The following CADPS2 variants were observed in gnomAD, a reference collection of about 807,000 sequenced individuals.
The protein encoded by CADPS2 is calcium dependent secretion activator 2.
In CADPS2, 93 loss-of-function variants were observed where a neutral mutation model predicts 172.5. The ratio of observed to expected loss-of-function variants is 0.54; its 90% CI spans 0.46 to 0.64. The LOEUF is 0.64. Among genes scored for constraint, CADPS2 ranks in the 30% least tolerant of loss-of-function variants. The probability of loss-of-function intolerance (pLI) is 0.00; values close to 1 mark genes in which losing one functional copy is unlikely to be tolerated. For missense variants in CADPS2, 1,420 were observed against 1,565.9 expected, an observed-to-expected ratio of 0.91 and a Z score of 1.57; for synonymous variants, 546 against 555.2, an observed-to-expected ratio of 0.98 and a Z score of 0.23.
At chr7:122,641,671 A>G (rs2134525247) in intron 3 of CADPS2, among the ~76,000 whole-genome samples, 1 of 152,278 alleles carries the variant, frequency 6.6e-6, no homozygotes, top group East Asian at 1.9e-4. Flanking sequence ...TCAGACTTAC[A>G]CTTACAGAGA....
chr7:122,366,666 T>G, intron 25 of CADPS2: 1 of 115,706 alleles, frequency 8.6e-6, no homozygotes, highest in African/African-American at 3.9e-5. Flanking sequence ...CATACACACA[T>G]ACATATATAT....
chr7:122,561,647 T>C (rs2065796204), intron 7 of CADPS2, among the ~76,000 whole-genome samples: 1 of 152,154 alleles, frequency 6.6e-6, no homozygotes, highest in Admixed American at 6.5e-5. Context: ...GTAATTCATT[T>C]GTACCACATA....
chr7:122,730,538 AAAT>A (rs1264070851), intron 2 of CADPS2, among the ~76,000 whole-genome samples: 6 of 151,802 alleles, frequency 4.0e-5, no homozygotes, highest in Admixed American at 1.3e-4. Flanking sequence ...GCAAGATATT[AAAT>A]AATATTTAGA....
At chr7:122,852,264 T>C (rs1343547432) in intron 1 of CADPS2, among the ~76,000 whole-genome samples, 1 of 152,192 alleles carries the variant, frequency 6.6e-6, no homozygotes, top group Non-Finnish European at 1.5e-5. Flanking sequence ...TAGGAACTCA[T>C]TCAATGGTAC....
At chr7:122,601,579 C>A (rs913936795) in intron 6 of CADPS2, among the ~76,000 whole-genome samples, 2 of 151,900 alleles carry the variant, frequency 1.3e-5, no homozygotes, top group South Asian at 4.2e-4. Context: ...AAAATAGGAT[C>A]ATCTTCTCTT....
intron 17 of CADPS2, among the ~76,000 whole-genome samples, chr7:122,435,766 T>C (rs1192794664): frequency 1.3e-5 from 2 of 152,078 alleles, no homozygotes; most frequent in Admixed American, 6.6e-5. Context: ...TAAATGTTCA[T>C]TGAGAGATGA....
intron 1 of CADPS2, among the ~76,000 whole-genome samples, chr7:122,790,325 G>T (rs1228066625): frequency 2.0e-5 from 3 of 148,332 alleles, no homozygotes; most frequent in Non-Finnish European, 4.4e-5. Context: ...CTTGGGCCCA[G>T]ACATTCACAG....
chr7:122,552,292 A>C (rs1162152445), intron 8 of CADPS2, among the ~76,000 whole-genome samples: 1 of 152,186 alleles, frequency 6.6e-6, no homozygotes. Context: ...TATACATCAG[A>C]AACTGAAGAG....
In CADPS2 at chr7:122,663,466, C is replaced by T. The variant is rs774940266; in HGVS notation, c.557G>A (p.Arg186Gln). The change falls in exon 3 of 30, where the codon CGG becomes CAG. Residue 186 changes from arginine (R) to glutamine (Q), a missense_variant. Physicochemically the swap from Arg to Gln is conservative, Grantham distance 43 (BLOSUM62 1). Coordinates refer to ENST00000449022, the MANE Select transcript of CADPS2 (RefSeq NM_017954.11). ...VFKKNIEKRV[R>Q]SLPEIDGLSK... ...CAAGCCATCTATTTCTGGCAAACTC[C>T]GCACACGTTTTTCTATGTTTTTCTT... The T allele has an allele frequency of 1.7e-5, 27 of 1,613,780 alleles. No individual in the cohort carries two copies. The highest frequency in any genetic ancestry group is 2.2e-5 in the East Asian group (1 of 44,886).
intron 24 of CADPS2, among the ~76,000 whole-genome samples, chr7:122,379,926 C>G (rs1422187728): frequency 6.6e-6 from 1 of 152,064 alleles, no homozygotes; most frequent in East Asian, 1.9e-4. Flanking sequence ...GACTTTTTGT[C>G]AGCACAGGGA....
At chr7:122,609,646 T>C (rs1044689237) in intron 6 of CADPS2, among the ~76,000 whole-genome samples, 44 of 152,224 alleles carry the variant, frequency 2.9e-4, no homozygotes, top group African/African-American at 1.1e-3. Flanking sequence ...AGACCCCAGG[T>C]CCTATATTCT....
intron 1 of CADPS2, among the ~76,000 whole-genome samples, chr7:122,773,942 T>G (rs1051329866): frequency 1.3e-5 from 2 of 152,036 alleles, no homozygotes; most frequent in Admixed American, 1.3e-4. Context: ...AATTATAAAT[T>G]TATGTCTGCT....
intron 8 of CADPS2, among the ~76,000 whole-genome samples, chr7:122,523,253 G>T (rs2060954303): frequency 6.6e-6 from 1 of 151,882 alleles, no homozygotes; most frequent in Non-Finnish European, 1.5e-5. Flanking sequence ...CATTATTAAA[G>T]GATATATCTT....
At chr7:122,512,095 G>GA (rs535468313) in intron 9 of CADPS2, among the ~76,000 whole-genome samples, 31 of 148,190 alleles carry the variant, frequency 2.1e-4, no homozygotes, top group South Asian at 4.2e-4. Context: ...TTTTAGCCAG[G>GA]AAAAAAAAAA....
chr7:122,516,758 T>C (rs1315561745), intron 8 of CADPS2, among the ~76,000 whole-genome samples: 1 of 152,108 alleles, frequency 6.6e-6, no homozygotes, highest in Non-Finnish European at 1.5e-5. Context: ...CATAGAGAAA[T>C]ATCCGGAAAA....
At chr7:122,718,675 G>T (rs574696557) in intron 2 of CADPS2, among the ~76,000 whole-genome samples, 1 of 152,066 alleles carries the variant, frequency 6.6e-6, no homozygotes, top group Non-Finnish European at 1.5e-5. Flanking sequence ...CCGTGTTAAG[G>T]CTTTTATAAT....
intron 1 of CADPS2, among the ~76,000 whole-genome samples, chr7:122,786,466 T>C (rs1287702362): frequency 1.3e-5 from 2 of 152,120 alleles, no homozygotes; most frequent in East Asian, 3.8e-4. Context: ...GAATAGAGAG[T>C]GGCATCCTTC....
chr7:122,481,990 C>T (rs1055372075), intron 11 of CADPS2, among the ~76,000 whole-genome samples: 8 of 152,094 alleles, frequency 5.3e-5, no homozygotes, highest in Non-Finnish European at 8.8e-5. Flanking sequence ...GAGATGGCAC[C>T]ACTGCACTTC....
rs1206449135 is a variant in CADPS2 at position 122,843,174 on chromosome 7, C to G, written c.339+42825G>C. 2.0e-5 allele frequency among the ~76,000 whole-genome samples: 3 copies of G among 152,152 alleles called. No individual in the cohort carries two copies. In the East Asian group the frequency reaches 5.8e-4, roughly 29 times the overall value. ...AATGCTTTCTGTGAATACCAGATAACTCTCATTTTTGAATGAATGCTAGAC... is the reference window on the plus strand; with the variant it reads ...AATGCTTTCTGTGAATACCAGATAAGTCTCATTTTTGAATGAATGCTAGAC... On this transcript the variant is annotated intron_variant, in intron 1 of 29. Transcript: ENST00000449022.
Sources: gnomAD v4.1 joint callset for allele counts (sites outside exome capture counted in the v4.1 genomes callset) on GRCh38, gnomAD v4.1.1 for gene constraint, MANE v1.5 for transcripts, NCBI Gene and HGNC (gene_info 2026-07-23, HGNC 2026-07-21) for gene names.